The following ZNF521 variants were observed in gnomAD, a reference collection of about 807,000 sequenced individuals.
The protein encoded by ZNF521 is LYST-interacting protein 3.
ZNF521 carries 14 observed loss-of-function variants against 105.5 expected under a neutral mutation model. The ratio of observed to expected loss-of-function variants is 0.13; its 90% CI spans 0.09 to 0.21. ZNF521 has a LOEUF of 0.21. Among genes scored for constraint, ZNF521 ranks in the 10% least tolerant of loss-of-function variants. The probability of loss-of-function intolerance (pLI) is 1.00; values close to 1 mark genes in which losing one functional copy is unlikely to be tolerated. For missense variants in ZNF521, 1,233 were observed against 1,629.7 expected, an observed-to-expected ratio of 0.76 and a Z score of 4.19; for synonymous variants, 635 against 606.0, an observed-to-expected ratio of 1.05 and a Z score of -0.70.
intron 3 of ZNF521, among the ~76,000 whole-genome samples, chr18:25,299,050 G>A (rs890074016): frequency 6.6e-6 from 1 of 152,146 alleles, no homozygotes; most frequent in Non-Finnish European, 1.5e-5. Flanking sequence ...TGGAAATCCA[G>A]CAAAGAAAAA....
At chr18:25,108,390 A>C (rs2034116010) in intron 5 of ZNF521, among the ~76,000 whole-genome samples, 1 of 152,176 alleles carries the variant, frequency 6.6e-6, no homozygotes, top group Admixed American at 6.5e-5. Flanking sequence ...AACTTTGAAG[A>C]TGTAACATAT....
chr18:25,318,040 T>A (rs1912735973), intron 3 of ZNF521, among the ~76,000 whole-genome samples: 1 of 152,162 alleles, frequency 6.6e-6, no homozygotes, highest in East Asian at 1.9e-4. Flanking sequence ...TGAACTTTAT[T>A]CATAATACTC....
At chr18:25,336,394 T>C (rs562190227) in intron 2 of ZNF521, among the ~76,000 whole-genome samples, 2 of 152,336 alleles carry the variant, frequency 1.3e-5, no homozygotes, top group Admixed American at 1.3e-4. Context: ...GATATGTGAA[T>C]TATTTGTCTC....
At chr18:25,179,116 CTTTTT>C (rs1175859497) in intron 5 of ZNF521, among the ~76,000 whole-genome samples, 3 of 52,474 alleles carry the variant, frequency 5.7e-5, no homozygotes, top group Non-Finnish European at 1.0e-4. Flanking sequence ...TTCTTTATTC[CTTTTT>C]TTTTTTTTTT....
In ZNF521 at chr18:25,196,514, T is replaced by C. The variant is rs539426438; in HGVS notation, c.3574-1270A>G. On this transcript the variant is annotated intron_variant, in intron 4 of 7. Transcript: ENST00000361524. ...CTAATTATTGTAATTTAACATAATATTTTCTTCTGCAACAGTGGCCAATAT... is the reference window on the plus strand; with the variant it reads ...CTAATTATTGTAATTTAACATAATACTTTCTTCTGCAACAGTGGCCAATAT... Among the ~76,000 whole-genome samples, 6 of 151,030 alleles carry C rather than the reference T, an allele frequency of 4.0e-5. No homozygotes were observed. In the South Asian group the frequency reaches 1.0e-3, roughly 26 times the overall value.
chr18:25,307,035 G>A (rs971593678), intron 3 of ZNF521, among the ~76,000 whole-genome samples: 4 of 152,008 alleles, frequency 2.6e-5, no homozygotes, highest in Admixed American at 2.0e-4. Flanking sequence ...TCGAGTGATG[G>A]CCACCCAATA....
At chr18:25,262,986 A>C (rs1420066664) in intron 3 of ZNF521, among the ~76,000 whole-genome samples, 1 of 152,260 alleles carries the variant, frequency 6.6e-6, no homozygotes, top group Non-Finnish European at 1.5e-5. Flanking sequence ...GAAGCAGGAC[A>C]GAGCACAGAG....
At chr18:25,236,364 C>A (rs935130096) in intron 3 of ZNF521, among the ~76,000 whole-genome samples, 25 of 152,032 alleles carry the variant, frequency 1.6e-4, no homozygotes, top group African/African-American at 6.0e-4. Context: ...GGTGAAACCC[C>A]GTCTCTACTA....
intron 5 of ZNF521, among the ~76,000 whole-genome samples, chr18:25,173,248 A>G (rs181652805): frequency 6.6e-6 from 1 of 152,312 alleles, no homozygotes; most frequent in East Asian, 1.9e-4. Flanking sequence ...GATGGAACGC[A>G]GAGGTTAATC....
At chr18:25,348,131 A>G (rs1433477033) in intron 2 of ZNF521, among the ~76,000 whole-genome samples, 1 of 152,204 alleles carries the variant, frequency 6.6e-6, no homozygotes, top group African/African-American at 2.4e-5. Flanking sequence ...CTGCCTTTCT[A>G]TACCTGCTGA....
At chr18:25,277,990 G>A (rs1419762605) in intron 3 of ZNF521, among the ~76,000 whole-genome samples, 6 of 151,968 alleles carry the variant, frequency 3.9e-5, no homozygotes, top group South Asian at 2.1e-4. Context: ...TTGTGACAAT[G>A]GTAAGTCTTC....
rs530383843 is a variant in ZNF521, at chr18:25,099,395, A to G, written c.3659-7314T>C. Among the ~76,000 whole-genome samples, 8 of 152,284 alleles carry G rather than the reference A, an allele frequency of 5.3e-5. No individual in the cohort carries two copies. The South Asian group carries it at 1.7e-3, about 32-fold the overall frequency. Reference sequence around the variant, plus strand: ...CAGTGCTTGGCTTCTTTATTTCCCAAAATAAGATGAAAATACTCTGGCAAA... The same window carrying G: ...CAGTGCTTGGCTTCTTTATTTCCCAGAATAAGATGAAAATACTCTGGCAAA... On this transcript the variant is annotated intron_variant, in intron 5 of 7. Transcript: ENST00000361524.
At chr18:25,127,290 C>T (rs1033182506) in intron 5 of ZNF521, among the ~76,000 whole-genome samples, 4 of 151,886 alleles carry the variant, frequency 2.6e-5, no homozygotes, top group African/African-American at 9.7e-5. Flanking sequence ...AGTAGTAGGA[C>T]AAGATACAGA....
In ZNF521 at chr18:25,225,111, G is replaced by C; in HGVS notation, c.2807C>G (p.Ser936Cys). Residue 936 changes from serine (S) to cysteine (C), a missense_variant, in exon 4 of 8, where the codon TCT becomes TGT. Around this residue, in one of 6 missense-constraint regions of ZNF521, gnomAD observed 614 missense variants for 751.5 expected, o/e 0.82. Transcript: ENST00000361524. This position sits in a 1 kb window ranked among gnomAD's most constrained non-coding sequence, Gnocchi z 5.6. ...IKGNYKCNVCSRTFFSENGLR... is the reference protein window; with the variant it reads ...IKGNYKCNVCCRTFFSENGLR... ...GCCATTTTCGGAGAAGAAGGTTCGAGAGCACACGTTGCACTTGTAATTCCC... is the reference window on the plus strand; with the variant it reads ...GCCATTTTCGGAGAAGAAGGTTCGACAGCACACGTTGCACTTGTAATTCCC... 1 of 1,614,170 alleles carries C rather than the reference G, an allele frequency of 6.2e-7. No homozygotes were observed.
chr18:25,294,340 T>G (rs1031525794), intron 3 of ZNF521, among the ~76,000 whole-genome samples: 1 of 152,334 alleles, frequency 6.6e-6, no homozygotes, highest in African/African-American at 2.4e-5. Flanking sequence ...TAAATATGCA[T>G]AAAGCATGGG....
At chr18:25,161,895 C>T (rs2035257596) in intron 5 of ZNF521, among the ~76,000 whole-genome samples, 1 of 152,106 alleles carries the variant, frequency 6.6e-6, no homozygotes, top group Non-Finnish European at 1.5e-5. Flanking sequence ...TCTGAAATTC[C>T]CCAACCACTT....
intron 3 of ZNF521, among the ~76,000 whole-genome samples, chr18:25,295,150 T>G (rs1911254888): frequency 6.6e-6 from 1 of 152,148 alleles, no homozygotes; most frequent in African/African-American, 2.4e-5. Context: ...CTGACCTTTG[T>G]GATAGTGATT....
At chr18:25,078,562 G>A (rs1456024888) in intron 7 of ZNF521, among the ~76,000 whole-genome samples, 1 of 152,120 alleles carries the variant, frequency 6.6e-6, no homozygotes, top group Non-Finnish European at 1.5e-5. Context: ...CTCTCACCCC[G>A]CCGCTGCAGT....
chr18:25,219,800 G>C (rs1036383493), intron 4 of ZNF521, among the ~76,000 whole-genome samples: 1 of 152,172 alleles, frequency 6.6e-6, no homozygotes, highest in African/African-American at 2.4e-5. Flanking sequence ...CTGAATGATA[G>C]AGTGAGACCC....
Sources: allele counts gnomAD v4.1 joint callset (sites outside exome capture counted in the v4.1 genomes callset), GRCh38; gene constraint gnomAD v4.1.1; regional missense constraint gnomAD v4.1.1; non-coding constraint Gnocchi (gnomAD v3.1); transcripts MANE v1.5; gene names NCBI Gene and HGNC (gene_info 2026-07-23, HGNC 2026-07-21).